MYRIP: variants seen among roughly 807,000 people sequenced by gnomAD.
MYRIP encodes the protein rab effector MyRIP.
In MYRIP, 49 loss-of-function variants were observed where a neutral mutation model predicts 98.0. That is an observed-to-expected ratio of 0.50 (90% CI 0.40 to 0.63). The LOEUF (loss-of-function observed/expected upper bound fraction) is 0.63. Among genes scored for constraint, MYRIP ranks in the 30% least tolerant of loss-of-function variants. The probability of loss-of-function intolerance (pLI) is 0.00; values close to 1 mark genes in which losing one functional copy is unlikely to be tolerated. For missense variants in MYRIP, 1,004 were observed against 1,058.2 expected, an observed-to-expected ratio of 0.95 and a Z score of 0.71; for synonymous variants, 404 against 409.5, an observed-to-expected ratio of 0.99 and a Z score of 0.16.
chr3:40,020,704 A>G (rs1165321040), intron 2 of MYRIP, among the ~76,000 whole-genome samples: 1 of 152,230 alleles, frequency 6.6e-6, no homozygotes, highest in Non-Finnish European at 1.5e-5. Flanking sequence ...AGCAAATGGC[A>G]GACTTTATAT....
chr3:40,091,890 G>A (rs576110957), intron 3 of MYRIP, among the ~76,000 whole-genome samples: 1 of 152,266 alleles, frequency 6.6e-6, no homozygotes, highest in African/African-American at 2.4e-5. Flanking sequence ...GAGCATTTCT[G>A]TACTAAAATT....
chr3:40,207,100 G>C (rs2125660956), intron 10 of MYRIP, among the ~76,000 whole-genome samples: 1 of 152,242 alleles, frequency 6.6e-6, no homozygotes, highest in Non-Finnish European at 1.5e-5. Flanking sequence ...AAATCTATTT[G>C]ATAGTTAAAG....
chr3:40,126,382 A>G (rs1462813073), intron 3 of MYRIP, among the ~76,000 whole-genome samples: 1 of 152,240 alleles, frequency 6.6e-6, no homozygotes, highest in Non-Finnish European at 1.5e-5. Flanking sequence ...GTAAGAATCA[A>G]ACACATTTCC....
chr3:39,838,416 G>T (rs1268629585), intron 1 of MYRIP, among the ~76,000 whole-genome samples: 1 of 152,180 alleles, frequency 6.6e-6, no homozygotes, highest in Non-Finnish European at 1.5e-5. Flanking sequence ...TTTTTAACAT[G>T]AAGGAGTGTT....
chr3:40,248,188 A>G (rs1953263493), intron 13 of MYRIP: 1 of 152,270 alleles, frequency 6.6e-6, no homozygotes, highest in Non-Finnish European at 1.5e-5. Context: ...ACTTACTTAG[A>G]GTCTACTTTT....
At chr3:39,857,887 A>T (rs1159340076) in intron 1 of MYRIP, among the ~76,000 whole-genome samples, 2 of 152,280 alleles carry the variant, frequency 1.3e-5, no homozygotes, top group East Asian at 3.9e-4. Flanking sequence ...CCTGTAGAAG[A>T]TACACAGAAA....
chr3:40,032,999 G>A lies in MYRIP; in HGVS notation c.111-11051G>A, dbSNP rs1160044192. On this transcript the variant is annotated intron_variant, in intron 2 of 16. Coordinates refer to ENST00000302541, the MANE Select transcript of MYRIP (RefSeq NM_015460.4). ...GATTATCTCAATAGATGCAGAAAAG[G>A]CCTTTGAAAAAATTCAACAACTCTT... Among the ~76,000 whole-genome samples the A allele has an allele frequency of 3.3e-5, 5 of 151,726 alleles. No homozygotes were observed. In the East Asian group the frequency reaches 7.7e-4, roughly 23 times the overall value.
intron 3 of MYRIP, among the ~76,000 whole-genome samples, chr3:40,113,025 T>C (rs1949192964): frequency 6.6e-6 from 1 of 152,186 alleles, no homozygotes; most frequent in Non-Finnish European, 1.5e-5. Flanking sequence ...GTTTTCCATC[T>C]CTAGTCCAGA....
intron 3 of MYRIP, among the ~76,000 whole-genome samples, chr3:40,049,356 A>G: frequency 6.6e-6 from 1 of 152,142 alleles, no homozygotes; most frequent in East Asian, 1.9e-4. Context: ...AATACTTCAG[A>G]CTTTTCCATT....
At chr3:40,042,288 T>TAAAAAA (rs66600615) in intron 2 of MYRIP, among the ~76,000 whole-genome samples, 2 of 112,578 alleles carry the variant, frequency 1.8e-5, no homozygotes, top group Admixed American at 8.8e-5. Flanking sequence ...ACTGGAAGGA[T>TAAAAAA]AAAAAAAAAA....
intron 10 of MYRIP, among the ~76,000 whole-genome samples, chr3:40,202,206 G>C (rs951165505): frequency 3.3e-5 from 5 of 152,128 alleles, no homozygotes; most frequent in Admixed American, 6.5e-5. Context: ...TTCAACAAAT[G>C]TTAACATGTG....
At chr3:40,121,168 G>A (rs1007106295) in intron 3 of MYRIP, among the ~76,000 whole-genome samples, 37 of 152,270 alleles carry the variant, frequency 2.4e-4, no homozygotes, top group African/African-American at 8.2e-4. Context: ...TAGGGAAGAG[G>A]ATGTGCTGCT....
chr3:39,957,046 C>G (rs1259326312), intron 2 of MYRIP, among the ~76,000 whole-genome samples: 1 of 151,682 alleles, frequency 6.6e-6, no homozygotes. Context: ...AATAGCCTAC[C>G]AACCAAAAAA....
At chr3:40,255,687 T>G (rs1425260838) in intron 16 of MYRIP, among the ~76,000 whole-genome samples, 1 of 152,158 alleles carries the variant, frequency 6.6e-6, no homozygotes, top group Non-Finnish European at 1.5e-5. Flanking sequence ...TTGATTGATT[T>G]GGCAGATAGT....
chr3:40,113,050 C>T (rs774447247), intron 3 of MYRIP, among the ~76,000 whole-genome samples: 3 of 152,154 alleles, frequency 2.0e-5, no homozygotes, highest in Admixed American at 6.5e-5. Flanking sequence ...ATTAAGAACC[C>T]AGGGGTGCAT....
intron 2 of MYRIP, among the ~76,000 whole-genome samples, chr3:40,016,828 AG>A (rs1488323024): frequency 6.6e-6 from 1 of 152,228 alleles, no homozygotes; most frequent in Non-Finnish European, 1.5e-5. Flanking sequence ...GCGGATTACA[AG>A]TCACAGATTG....
chr3:40,005,928 AG>A (rs1180767670), intron 2 of MYRIP, among the ~76,000 whole-genome samples: 3 of 152,190 alleles, frequency 2.0e-5, no homozygotes, highest in Non-Finnish European at 4.4e-5. Flanking sequence ...TGAGAGTCAC[AG>A]GGGGATTTAA....
intron 1 of MYRIP, among the ~76,000 whole-genome samples, chr3:39,895,936 TGC>T (rs1491320701): frequency 3.9e-5 from 5 of 129,828 alleles, no homozygotes; most frequent in South Asian, 2.5e-4. Context: ...TGTGTGTGTG[TGC>T]GCGTGCACGT....
chr3:40,178,238 A>G (rs993243725), intron 8 of MYRIP, among the ~76,000 whole-genome samples: 18 of 152,250 alleles, frequency 1.2e-4, no homozygotes, highest in African/African-American at 3.8e-4. Flanking sequence ...GCAACAATCT[A>G]TGGTTCCAAG....
Sources: allele counts gnomAD v4.1 joint callset (sites outside exome capture counted in the v4.1 genomes callset), GRCh38; gene constraint gnomAD v4.1.1; transcripts MANE v1.5; gene names NCBI Gene and HGNC (gene_info 2026-07-23, HGNC 2026-07-21).